The following AK6 variants were observed in gnomAD, a reference collection of about 807,000 sequenced individuals.
AK6 encodes adenylate kinase 6.
In AK6, 24 loss-of-function variants were observed where a neutral mutation model predicts 23.7. The ratio of observed to expected loss-of-function variants is 1.01; its 90% CI spans 0.73 to 1.43. The LOEUF (loss-of-function observed/expected upper bound fraction) is 1.43. AK6 is among the 40% of genes most tolerant of loss of function. AK6 has a pLI of 0.00. For missense variants in AK6, 191 were observed against 199.1 expected, an observed-to-expected ratio of 0.96 and a Z score of 0.24; for synonymous variants, 73 against 69.8, an observed-to-expected ratio of 1.05 and a Z score of -0.23.
intron 1 of AK6, chr5:69,369,092 T>C: frequency 2.8e-6 from 1 of 361,722 alleles, no homozygotes; most frequent in Non-Finnish European, 5.0e-6. Flanking sequence ...AGATATGGCC[T>C]TACGTTATTT....
In AK6 at chr5:69,364,983, T is replaced by C. The variant is rs570480786; in HGVS notation, c.121+1520A>G. ...GTCATCATCATCATCATCGTCATCA[T>C]CATCATCTTCACGTTTTCTTTTCAA... On this transcript the variant is annotated intron_variant, in intron 2 of 4. Transcript: ENST00000380822. 3.7e-6 allele frequency: 6 copies of C among 1,613,694 alleles called. No individual in the cohort carries two copies. In the East Asian group the frequency reaches 8.9e-5, roughly 24 times the overall value.
chr5:69,366,057 T>C (rs1446780463), intron 2 of AK6, among the ~76,000 whole-genome samples: 3 of 152,212 alleles, frequency 2.0e-5, no homozygotes, highest in East Asian at 1.9e-4. Flanking sequence ...TTAGAATATA[T>C]GCAGTTGCAT....
intron 2 of AK6, among the ~76,000 whole-genome samples, chr5:69,359,658 C>CT (rs1377444398): frequency 6.6e-6 from 1 of 152,194 alleles, no homozygotes; most frequent in African/African-American, 2.4e-5. Context: ...AACTTATATA[C>CT]ACTCAAGTGA....
chr5:69,359,537 GCCAGGCC>G (rs1762173639), intron 2 of AK6, among the ~76,000 whole-genome samples: 1 of 152,088 alleles, frequency 6.6e-6, no homozygotes, highest in African/African-American at 2.4e-5. Context: ...GAGCCACTGC[GCCAGGCC>G]CCACAAAATT....
chr5:69,369,649 C>A (rs1416700213), upstream of AK6: 1 of 1,561,124 alleles, frequency 6.4e-7, no homozygotes. Context: ...CCGCGGCCCA[C>A]TGGTTACCTG....
rs1196327487 is a variant in AK6 at position 69,351,891 on chromosome 5, CATGTTT to C, written c.*164_*169del. On this transcript the variant is annotated 3_prime_UTR_variant, in exon 5 of 5. Transcript: ENST00000380822. ...TAATAATACTATATTCATTATATTT[CATGTTT>C]AGCTTTCTCATGGAGAAAAAGAAAC... 2.3e-6 allele frequency: 1 copy of C among 433,696 alleles called. No homozygotes were observed. The highest frequency in any genetic ancestry group is 2.0e-5 in the African/African-American group (1 of 49,602). 26.9% of individuals were successfully genotyped at this position (433,696 alleles called of 1,614,324 possible).
At position 69,355,913 on chromosome 5, in the gene AK6, G is replaced by A; in HGVS notation, c.162C>T (p.Pro54=). Reference sequence around the variant, plus strand: ...TACTTACTCTGTCTTCATCTAAAATGGGACAGTCATACTCTTCATCATAGC... The same window carrying A: ...TACTTACTCTGTCTTCATCTAAAATAGGACAGTCATACTCTTCATCATAGC... ...YDGYDEEYDC[P]ILDEDRVVDE... is the part of the protein sequence containing the mutation. Residue 54 remains proline (P), a synonymous_variant, in exon 3 of 5, where the codon CCC becomes CCT. Coordinates refer to ENST00000380822, the MANE Select transcript of AK6 (RefSeq NM_016283.5). 6.2e-7 allele frequency: 1 copy of A among 1,609,958 alleles called. No individual in the cohort carries two copies. The highest frequency in any genetic ancestry group is 8.5e-7 in the Non-Finnish European group (1 of 1,178,724).
intron 2 of AK6, 127 bp from the exon 3 acceptor site, chr5:69,356,080 T>C: frequency 1.4e-6 from 1 of 739,104 alleles, no homozygotes; most frequent in South Asian, 2.2e-5. Flanking sequence ...GGGTGGATAC[T>C]AACAAAATAA....
chr5:69,355,829 GAA>G (rs755132799), intron 3 of AK6, 35 bp from the exon 4 acceptor site: 34 of 1,595,954 alleles, frequency 2.1e-5, no homozygotes. Flanking sequence ...TGCTTCTTAA[GAA>G]AACTGAAGTC....
At chr5:69,365,858 G>T in intron 2 of AK6, 1 of 816,306 alleles carries the variant, frequency 1.2e-6, no homozygotes, top group Non-Finnish European at 1.7e-6. Flanking sequence ...ATGTTAAACT[G>T]TAAAAAAATT....
At chr5:69,364,730 A>G in intron 2 of AK6, 1 of 649,820 alleles carries the variant, frequency 1.5e-6, no homozygotes, top group Admixed American at 2.6e-5. Context: ...CATAACTGCC[A>G]AAGCACCAAC....
rs4252222 is a variant in AK6, at chr5:69,368,254, C to T, written c.28+1209G>A. On this transcript the variant is annotated intron_variant, in intron 1 of 4. Coordinates refer to ENST00000380822, the MANE Select transcript of AK6 (RefSeq NM_016283.5). Reference sequence around the variant, plus strand: ...ATACATTGTTCTTTACCTTCCCCTTCTGATACCTATTAAAATTACATTTCA... The same window carrying T: ...ATACATTGTTCTTTACCTTCCCCTTTTGATACCTATTAAAATTACATTTCA... Among the ~76,000 whole-genome samples the T allele has an allele frequency of 6.1e-3, 930 of 152,298 alleles. 7 individuals carry two copies. The highest frequency in any genetic ancestry group is 0.021 in the African/African-American group (879 of 41,560).
In AK6 at chr5:69,355,875, T is replaced by C. The variant is rs1762071946; in HGVS notation, c.180+20A>G. ...TATGAAATTCAACAAATGCATACTT[T>C]ATGAAAAAGTCATACTTACTCTGTC... On this transcript the variant is annotated intron_variant, in intron 3 of 4. Coordinates refer to ENST00000380822, the MANE Select transcript of AK6 (RefSeq NM_016283.5). The C allele has an allele frequency of 3.7e-6, 6 of 1,603,338 alleles. No individual in the cohort carries two copies. The South Asian group carries it at 6.8e-5, about 18-fold the overall frequency.
intron 2 of AK6, among the ~76,000 whole-genome samples, chr5:69,362,060 T>C (rs1300164205): frequency 6.7e-6 from 1 of 149,094 alleles, no homozygotes; most frequent in African/African-American, 2.5e-5. Context: ...ACCAGGATGA[T>C]ACTAAACTTT....
Position 69,351,905 on chromosome 5 carries a change from T to A in AK6, c.*156A>T. ...TCATTATATTTCATGTTTAGCTTTC[T>A]CATGGAGAAAAAGAAACACAGGCAT... On this transcript the variant is annotated 3_prime_UTR_variant, in exon 5 of 5. Transcript: ENST00000380822. 2.2e-6 allele frequency: 1 copy of A among 457,560 alleles called. No individual in the cohort carries two copies. Among genetic ancestry groups the A allele is most frequent in the Non-Finnish European group, 3.7e-6 (1 of 270,286 alleles). The allele number at this position is 457,560 out of a possible 1,614,324, so 28.3% of individuals were successfully genotyped here.
chr5:69,367,870 A>T (rs1041593078), intron 1 of AK6: 2 of 152,216 alleles, frequency 1.3e-5, no homozygotes, highest in Non-Finnish European at 2.9e-5. Context: ...ATAAAGATTT[A>T]AAAACTGTTC....
chr5:69,369,252 T>A, intron 1 of AK6: 5 of 19,724 alleles, frequency 2.5e-4, no homozygotes, highest in Non-Finnish European at 4.4e-4. Context: ...CCCCGGAGCC[T>A]CAGGCCAACG....
rs5868577 is a variant in AK6, at chr5:69,358,517, CAAAAAAAAAAAA to C, written c.122-2576_122-2565del. 5.5e-5 allele frequency among the ~76,000 whole-genome samples: 3 copies of C among 54,172 alleles called. No homozygotes were observed. The Admixed American group carries it at 7.5e-4, about 14-fold the overall frequency. The allele number at this position is 54,172 out of a possible 152,430, so 35.5% of individuals were successfully genotyped here. On this transcript the variant is annotated intron_variant, in intron 2 of 4. Coordinates refer to ENST00000380822, the MANE Select transcript of AK6 (RefSeq NM_016283.5). Reference sequence around the variant, plus strand: ...TGGGTGACAGAGCAAGACTCTGTCTCAAAAAAAAAAAAAAAAAAAAAAAAAGAAAGATGACTT... The same window carrying C: ...TGGGTGACAGAGCAAGACTCTGTCTCAAAAAAAAAAAAAGAAAGATGACTT...
At chr5:69,360,208 GAAGA>G (rs1456524728) in intron 2 of AK6, among the ~76,000 whole-genome samples, 1 of 152,200 alleles carries the variant, frequency 6.6e-6, no homozygotes, top group East Asian at 1.9e-4. Context: ...GTAGAAGAGG[GAAGA>G]AAGAGATACT....
Sources: gnomAD v4.1 joint callset for allele counts (sites outside exome capture counted in the v4.1 genomes callset) on GRCh38, gnomAD v4.1.1 for gene constraint, MANE v1.5 for transcripts, NCBI Gene and HGNC (gene_info 2026-07-23, HGNC 2026-07-21) for gene names.